PDE1C: variants seen among roughly 807,000 people sequenced by gnomAD.
PDE1C encodes dual specificity calcium/calmodulin-dependent 3',5'-cyclic nucleotide phosphodiesterase 1C.
Under a neutral mutation model 93.1 loss-of-function variants are expected in PDE1C, and 62 were observed. The ratio of observed to expected loss-of-function variants is 0.67; its 90% CI spans 0.54 to 0.82. PDE1C has a LOEUF of 0.82. Among genes scored for constraint, PDE1C ranks in the 40% least tolerant of loss-of-function variants. The pLI, the probability that PDE1C is intolerant of heterozygous loss-of-function variation, is 0.00. For missense variants in PDE1C, 742 were observed against 884.6 expected (o/e 0.84, Z 2.04); for synonymous variants, 325 against 310.1 (o/e 1.05, Z -0.50).
chr7:31,819,964 C>G (rs1003632842), intron 14 of PDE1C, among the ~76,000 whole-genome samples: 1 of 152,060 alleles, frequency 6.6e-6, no homozygotes, highest in African/African-American at 2.4e-5. Flanking sequence ...AAAGGTGCTT[C>G]TAGACATTTA....
rs11974571 is a variant in PDE1C at position 32,198,503 on chromosome 7, T to C, written c.136+10986A>G. 8.7e-3 allele frequency among the ~76,000 whole-genome samples: 1,324 copies of C among 152,314 alleles called. 28 individuals are homozygous for C. The highest frequency in any genetic ancestry group is 0.03 in the African/African-American group (1,245 of 41,558). On this transcript the variant is annotated intron_variant, in intron 2 of 18. Coordinates refer to the PDE1C transcript ENST00000396193. ...TGAGATGTAAGCCTTTCAGAACTGA[T>C]ATAGCAGCTCTGTTTCACAAAATCT...
At chr7:32,362,225 G>A (rs1303235909) in intron 1 of PDE1C, among the ~76,000 whole-genome samples, 1 of 152,156 alleles carries the variant, frequency 6.6e-6, no homozygotes, top group South Asian at 2.1e-4. Flanking sequence ...GTGTGTGCAT[G>A]GATGGAGTGT....
chr7:31,689,454 A>G, the PDE1C span, among the ~76,000 whole-genome samples: 1 of 152,166 alleles, frequency 6.6e-6, no homozygotes, highest in Non-Finnish European at 1.5e-5. Context: ...GGGCAGCCCA[A>G]CAAGTGCAGC....
the PDE1C span, among the ~76,000 whole-genome samples, chr7:31,711,845 A>G: frequency 6.6e-6 from 1 of 152,156 alleles, no homozygotes; most frequent in Non-Finnish European, 1.5e-5. Context: ...TGCTTAGAAT[A>G]AAGGTAGAGA....
At chr7:32,070,938 G>A, upstream of PDE1C, 1 of 985,346 alleles carries the variant, frequency 1.0e-6, no homozygotes, top group African/African-American at 1.7e-5. Context: ...TCACTCCCTG[G>A]CCGCGCCTGC....
chr7:31,660,847 AAGTC>A, the PDE1C span, among the ~76,000 whole-genome samples: 2 of 151,872 alleles, frequency 1.3e-5, no homozygotes, highest in African/African-American at 4.8e-5. Flanking sequence ...TACCATTAGA[AAGTC>A]AATCATGCAA....
chr7:31,897,648 C>G (rs1447455429), intron 2 of PDE1C, among the ~76,000 whole-genome samples: 1 of 152,178 alleles, frequency 6.6e-6, no homozygotes, highest in African/African-American at 2.4e-5. Flanking sequence ...TTTTCTGTCT[C>G]TCTCTGGACA....
At chr7:31,617,641 C>T in the PDE1C span, among the ~76,000 whole-genome samples, 2 of 38,006 alleles carry the variant, frequency 5.3e-5, no homozygotes, top group African/African-American at 9.5e-5. Context: ...TTTAATGCTC[C>T]ATCTTTTAAA....
chr7:32,240,104 T>C (rs1808434166), intron 1 of PDE1C, among the ~76,000 whole-genome samples: 1 of 152,218 alleles, frequency 6.6e-6, no homozygotes, highest in South Asian at 2.1e-4. Flanking sequence ...GCCACTTACA[T>C]GTGAAAGCTG....
intron 16 of PDE1C, among the ~76,000 whole-genome samples, chr7:31,780,596 A>G (rs1206587289): frequency 6.6e-6 from 1 of 152,240 alleles, no homozygotes; most frequent in Non-Finnish European, 1.5e-5. Flanking sequence ...ACAAACAACT[A>G]TGTCAATGCT....
At chr7:32,225,968 G>T (rs771565433) in intron 1 of PDE1C, among the ~76,000 whole-genome samples, 7 of 152,168 alleles carry the variant, frequency 4.6e-5, no homozygotes, top group Non-Finnish European at 1.0e-4. Flanking sequence ...TGAGGCAGGA[G>T]AATTGCTTGA....
At chr7:31,731,517 A>T in the PDE1C span, among the ~76,000 whole-genome samples, 1 of 152,070 alleles carries the variant, frequency 6.6e-6, no homozygotes, top group Non-Finnish European at 1.5e-5. Flanking sequence ...CAGCCTCCTG[A>T]GTAGCTGGGA....
intron 2 of PDE1C, among the ~76,000 whole-genome samples, chr7:31,976,017 T>C (rs1205722634): frequency 6.6e-6 from 1 of 152,248 alleles, no homozygotes; most frequent in Non-Finnish European, 1.5e-5. Context: ...TAAATGATGT[T>C]TATTATCAGG....
chr7:32,260,916 T>C (rs976041521), intron 1 of PDE1C, among the ~76,000 whole-genome samples: 1 of 151,116 alleles, frequency 6.6e-6, no homozygotes, highest in African/African-American at 2.4e-5. Context: ...AGGTCAGGAG[T>C]TCAAGACAAC....
chr7:32,211,197 G>A (rs768473036), intron 1 of PDE1C, among the ~76,000 whole-genome samples: 2 of 151,906 alleles, frequency 1.3e-5, no homozygotes, highest in African/African-American at 2.4e-5. Context: ...AGACAAAAGC[G>A]AAACTCTATC....
chr7:31,755,709 C>A (rs1025787779), intron 17 of PDE1C, among the ~76,000 whole-genome samples: 2 of 151,906 alleles, frequency 1.3e-5, no homozygotes, highest in African/African-American at 4.8e-5. Context: ...CATTTTAACC[C>A]GAAGTATAAA....
At chr7:32,201,067 A>G (rs1172674884) in intron 2 of PDE1C, among the ~76,000 whole-genome samples, 1 of 152,216 alleles carries the variant, frequency 6.6e-6, no homozygotes, top group Non-Finnish European at 1.5e-5. Context: ...TAGCTGCAAA[A>G]TCTGCACACA....
chr7:31,729,385 T>C, the PDE1C span, among the ~76,000 whole-genome samples: 1 of 152,140 alleles, frequency 6.6e-6, no homozygotes, highest in Admixed American at 6.5e-5. Flanking sequence ...ACTGTTAATA[T>C]AGCACAAGCC....
intron 2 of PDE1C, among the ~76,000 whole-genome samples, chr7:32,045,525 T>C (rs1023450233): frequency 6.6e-6 from 1 of 152,248 alleles, no homozygotes; most frequent in African/African-American, 2.4e-5. Context: ...ACTTAGGCTC[T>C]GAAAATCAAT....
Sources: allele counts gnomAD v4.1 joint callset (sites outside exome capture counted in the v4.1 genomes callset), GRCh38; gene constraint gnomAD v4.1.1; transcripts MANE v1.5; gene names NCBI Gene and HGNC (gene_info 2026-07-23, HGNC 2026-07-21).